NTNG1: variants seen among roughly 807,000 people sequenced by gnomAD.
NTNG1 encodes netrin G1.
Under a neutral mutation model 54.0 loss-of-function variants are expected in NTNG1, and 16 were observed. The ratio of observed to expected loss-of-function variants is 0.30; its 90% confidence interval spans 0.20 to 0.45. The LOEUF is 0.45. Ranked by LOEUF, NTNG1 falls within the 20% of genes least tolerant of loss-of-function variation. The pLI, the probability that NTNG1 is intolerant of heterozygous loss-of-function variation, is 1.00. For synonymous variants in NTNG1, 255 were observed against 263.1 expected (o/e 0.97, Z 0.30); for missense variants, 530 against 678.7 (o/e 0.78, Z 2.43).
At chr1:107,347,826 A>AG (rs1022127005) in intron 3 of NTNG1, among the ~76,000 whole-genome samples, 1 of 152,170 alleles carries the variant, frequency 6.6e-6, no homozygotes, top group African/African-American at 2.4e-5. Context: ...AGTGAGTGCC[A>AG]GCAGGGGAAA....
At chr1:107,237,400 AG>A (rs1277792178) in intron 2 of NTNG1, among the ~76,000 whole-genome samples, 1 of 152,234 alleles carries the variant, frequency 6.6e-6, no homozygotes, top group African/African-American at 2.4e-5. Context: ...GAAAATATGC[AG>A]CCTGACAATG....
intron 3 of NTNG1, among the ~76,000 whole-genome samples, chr1:107,381,557 A>G (rs1671648613): frequency 6.6e-6 from 1 of 152,190 alleles, no homozygotes; most frequent in Non-Finnish European, 1.5e-5. Flanking sequence ...CCAGGCCATA[A>G]GTTGCAGATT....
intron 2 of NTNG1, among the ~76,000 whole-genome samples, chr1:107,252,263 T>C (rs1463679692): frequency 1.3e-5 from 2 of 152,224 alleles, no homozygotes; most frequent in Non-Finnish European, 2.9e-5. Flanking sequence ...CATGATGCAT[T>C]GTCCTTTTAA....
intron 2 of NTNG1, among the ~76,000 whole-genome samples, chr1:107,255,509 AG>A (rs1450881431): frequency 6.6e-6 from 1 of 152,226 alleles, no homozygotes; most frequent in Non-Finnish European, 1.5e-5. Context: ...TTTTTGATTA[AG>A]TTCTTCTTTT....
intron 7 of NTNG1, among the ~76,000 whole-genome samples, chr1:107,444,611 T>C (rs1676196965): frequency 6.6e-6 from 1 of 152,126 alleles, no homozygotes; most frequent in Non-Finnish European, 1.5e-5. Flanking sequence ...GGATGGCAAC[T>C]TTTCATATTT....
intron 2 of NTNG1, among the ~76,000 whole-genome samples, chr1:107,235,767 A>T (rs1198764182): frequency 1.3e-5 from 2 of 152,156 alleles, no homozygotes; most frequent in African/African-American, 2.4e-5. Context: ...TCAGATCTTC[A>T]AGGAAATATA....
intron 2 of NTNG1, among the ~76,000 whole-genome samples, chr1:107,267,918 GAC>G (rs1663859473): frequency 6.6e-6 from 1 of 152,046 alleles, no homozygotes; most frequent in African/African-American, 2.4e-5. Context: ...GCACACACCA[GAC>G]AGTCTTCTTG....
intron 4 of NTNG1, among the ~76,000 whole-genome samples, chr1:107,399,681 G>T (rs1557966802): frequency 6.6e-6 from 1 of 152,134 alleles, no homozygotes; most frequent in East Asian, 1.9e-4. Flanking sequence ...GGAATATTGT[G>T]ATTTCAGAGG....
intron 3 of NTNG1, among the ~76,000 whole-genome samples, chr1:107,356,993 A>C (rs1450738171): frequency 6.6e-6 from 1 of 152,058 alleles, no homozygotes; most frequent in Non-Finnish European, 1.5e-5. Flanking sequence ...ACAAGGTGAG[A>C]CTCTGTCTCA....
intron 2 of NTNG1, among the ~76,000 whole-genome samples, chr1:107,239,486 A>G (rs746745600): frequency 7.2e-5 from 11 of 152,218 alleles, no homozygotes; most frequent in Non-Finnish European, 1.6e-4. Flanking sequence ...GACATTCTTT[A>G]TCCAAGCAAG....
At chr1:107,310,223 T>A (rs1666924806) in intron 2 of NTNG1, among the ~76,000 whole-genome samples, 1 of 152,188 alleles carries the variant, frequency 6.6e-6, no homozygotes. Flanking sequence ...TAACAATAGA[T>A]TTTTGCACAT....
At chr1:107,382,565 T>G (rs1364301534) in intron 3 of NTNG1, among the ~76,000 whole-genome samples, 3 of 152,200 alleles carry the variant, frequency 2.0e-5, no homozygotes, top group African/African-American at 7.2e-5. Context: ...ATCTGGTTAT[T>G]TTTTTCTTGG....
chr1:107,374,348 T>C (rs1255307430), intron 3 of NTNG1, among the ~76,000 whole-genome samples: 1 of 152,178 alleles, frequency 6.6e-6, no homozygotes, highest in Non-Finnish European at 1.5e-5. Flanking sequence ...CTCTTCTCCT[T>C]TGACTATTCC....
intron 3 of NTNG1, 83 bp downstream of exon 3, chr1:107,325,005 T>C: frequency 2.9e-6 from 4 of 1,367,854 alleles, no homozygotes; most frequent in Non-Finnish European, 4.0e-6. Flanking sequence ...TAAAGTGACA[T>C]TTGTCAATTT....
intron 2 of NTNG1, among the ~76,000 whole-genome samples, chr1:107,191,455 G>T (rs1157342376): frequency 6.6e-5 from 10 of 151,750 alleles, no homozygotes; most frequent in African/African-American, 2.2e-4. Context: ...GTCAATTGTG[G>T]CTTTTGTTGC....
At chr1:107,446,806 G>A (rs1676332673) in intron 7 of NTNG1, among the ~76,000 whole-genome samples, 1 of 152,096 alleles carries the variant, frequency 6.6e-6, no homozygotes. Flanking sequence ...AAGGAGGGGA[G>A]AAAAGGCCTT....
intron 2 of NTNG1, among the ~76,000 whole-genome samples, chr1:107,216,087 A>C (rs985827746): frequency 2.0e-5 from 3 of 152,152 alleles, no homozygotes. Context: ...TCATGTCATC[A>C]GCAAACAGAG....
chr1:107,480,575 C>CCAAATGAATG, intron 7 of NTNG1, 36 bp from the exon 8 acceptor site: 1 of 512,238 alleles, frequency 2.0e-6, no homozygotes, highest in Non-Finnish European at 3.8e-6. Flanking sequence ...CTCCTCCCCG[C>CCAAATGAATG]GCCCACCCAC....
chr1:107,449,084 T>C (rs531516265), intron 7 of NTNG1, among the ~76,000 whole-genome samples: 10 of 152,110 alleles, frequency 6.6e-5, no homozygotes, highest in African/African-American at 2.4e-4. Context: ...TTAATTGTTA[T>C]GAATTATTAA....
Sources: allele counts gnomAD v4.1 joint callset (sites outside exome capture counted in the v4.1 genomes callset), GRCh38; gene constraint gnomAD v4.1.1; transcripts MANE v1.5; gene names NCBI Gene and HGNC (gene_info 2026-07-23, HGNC 2026-07-21).